NCKAP5: variants seen among roughly 807,000 people sequenced by gnomAD.
NCKAP5 encodes the protein nck-associated protein 5.
Under a neutral mutation model 167.0 loss-of-function variants are expected in NCKAP5, and 92 were observed. The ratio of observed to expected loss-of-function variants is 0.55; its 90% CI spans 0.47 to 0.66. The LOEUF is 0.66. Among genes scored for constraint, NCKAP5 ranks in the 30% least tolerant of loss-of-function variants. NCKAP5 has a pLI of 0.00. For synonymous variants in NCKAP5, 891 were observed against 877.4 expected (o/e 1.02, Z -0.27); for missense variants, 2,378 against 2,315.0 (o/e 1.03, Z -0.56).
chr2:133,058,476 T>C (rs1296996684), intron 6 of NCKAP5, among the ~76,000 whole-genome samples: 1 of 152,202 alleles, frequency 6.6e-6, no homozygotes, highest in African/African-American at 2.4e-5. Flanking sequence ...AAGAAGTTTA[T>C]TCCAACCCTC....
intron 8 of NCKAP5, among the ~76,000 whole-genome samples, chr2:132,918,430 T>G (rs986581642): frequency 2.6e-5 from 4 of 152,202 alleles, no homozygotes; most frequent in Non-Finnish European, 4.4e-5. Context: ...GAAAAGAAAT[T>G]AAAAGACATA....
intron 8 of NCKAP5, among the ~76,000 whole-genome samples, chr2:132,893,117 A>G (rs928347660): frequency 1.3e-5 from 2 of 152,186 alleles, no homozygotes; most frequent in African/African-American, 4.8e-5. Flanking sequence ...ATACCATTAC[A>G]CACCAACCCA....
intron 6 of NCKAP5, among the ~76,000 whole-genome samples, chr2:133,043,075 T>C (rs1363077959): frequency 2.6e-5 from 4 of 152,152 alleles, no homozygotes; most frequent in African/African-American, 4.8e-5. Context: ...GCTTCCCACT[T>C]GAAGTCCACC....
At chr2:132,741,234 A>C (rs1679158664) in intron 16 of NCKAP5, among the ~76,000 whole-genome samples, 1 of 152,066 alleles carries the variant, frequency 6.6e-6, no homozygotes, top group African/African-American at 2.4e-5. Flanking sequence ...TATGTTATGC[A>C]ATTTTCCAAA....
intron 8 of NCKAP5, among the ~76,000 whole-genome samples, chr2:132,887,644 C>G (rs1043415388): frequency 6.6e-6 from 1 of 152,038 alleles, no homozygotes; most frequent in African/African-American, 2.4e-5. Flanking sequence ...ATGGAATATG[C>G]TTTACACTCC....
At chr2:132,804,642 C>T (rs925289743) in intron 11 of NCKAP5, among the ~76,000 whole-genome samples, 2 of 152,018 alleles carry the variant, frequency 1.3e-5, no homozygotes, top group African/African-American at 2.4e-5. Flanking sequence ...TTCAATGTAC[C>T]ACTTATTAGG....
chr2:132,965,991 A>G (rs995422358), intron 7 of NCKAP5, among the ~76,000 whole-genome samples: 1 of 151,986 alleles, frequency 6.6e-6, no homozygotes, highest in Non-Finnish European at 1.5e-5. Context: ...GCTAATTAAA[A>G]CAAAGAAAAG....
At position 133,049,742 on chromosome 2, in the gene NCKAP5, G is replaced by A. The variant is rs576111379; in HGVS notation, c.342-55503C>T. 2.7e-4 allele frequency among the ~76,000 whole-genome samples: 41 copies of A among 152,220 alleles called. No homozygotes were observed. In the Middle Eastern group the frequency reaches 0.017, roughly 63 times the overall value. Reference sequence around the variant, plus strand: ...TCATCCTGCTCATCTCCGTCACCAAGACGTGTGCTTGTGACTCCAGTGCTC... The same window carrying A: ...TCATCCTGCTCATCTCCGTCACCAAAACGTGTGCTTGTGACTCCAGTGCTC... On this transcript the variant is annotated intron_variant, in intron 6 of 19. Coordinates refer to ENST00000409261, the MANE Select transcript of NCKAP5 (RefSeq NM_207363.3).
chr2:133,382,324 G>A (rs148309099), intron 3 of NCKAP5, among the ~76,000 whole-genome samples: 150 of 152,202 alleles, frequency 9.9e-4, no homozygotes, highest in African/African-American at 3.4e-3. Flanking sequence ...GATCTCACAC[G>A]TGTATTATGC....
At chr2:133,650,140 C>A in the NCKAP5 span, among the ~76,000 whole-genome samples, 1 of 151,826 alleles carries the variant, frequency 6.6e-6, no homozygotes, top group East Asian at 1.9e-4. Flanking sequence ...GAATAAAATA[C>A]CTAGGAATAG....
intron 1 of NCKAP5, among the ~76,000 whole-genome samples, chr2:133,567,331 AGCCGGT>A (rs1688623372): frequency 6.6e-6 from 1 of 152,194 alleles, no homozygotes; most frequent in South Asian, 2.1e-4. Flanking sequence ...CTCACGGGCC[AGCCGGT>A]GCAGGTGGGA....
At chr2:133,566,225 G>T (rs1019056430) in intron 1 of NCKAP5, among the ~76,000 whole-genome samples, 1 of 109,000 alleles carries the variant, frequency 9.2e-6, no homozygotes, top group Non-Finnish European at 2.2e-5. Flanking sequence ...TGAAGAGAAG[G>T]TTCCACTGGA....
chr2:133,273,328 G>A (rs2089595661), intron 4 of NCKAP5, among the ~76,000 whole-genome samples: 1 of 152,104 alleles, frequency 6.6e-6, no homozygotes, highest in Non-Finnish European at 1.5e-5. Context: ...TTGGTCATTT[G>A]TATGTGTCTT....
intron 16 of NCKAP5, among the ~76,000 whole-genome samples, chr2:132,750,755 A>G (rs905257961): frequency 1.3e-5 from 2 of 152,228 alleles, no homozygotes; most frequent in African/African-American, 4.8e-5. Flanking sequence ...GGTGGGATTA[A>G]GCAGAAAGCC....
intron 11 of NCKAP5, among the ~76,000 whole-genome samples, chr2:132,797,633 T>C (rs1558793495): frequency 6.6e-6 from 1 of 152,112 alleles, no homozygotes. Context: ...TTCCGAAAAG[T>C]TTTTTCTACT....
chr2:132,846,286 A>G (rs59645435), intron 11 of NCKAP5, among the ~76,000 whole-genome samples: 1,530 of 152,246 alleles, frequency 0.01, 26 homozygotes, highest in African/African-American at 0.035. Flanking sequence ...AATCTAGGTG[A>G]ACAGTATAAC....
intron 3 of NCKAP5, among the ~76,000 whole-genome samples, chr2:133,474,157 C>CTATCTATCT (rs1559511839): frequency 2.2e-4 from 19 of 88,232 alleles, no homozygotes; most frequent in African/African-American, 8.5e-4. Flanking sequence ...TCTATCTATA[C>CTATCTATCT]ACACACACAC....
chr2:133,527,793 G>A (rs940895529), intron 2 of NCKAP5, among the ~76,000 whole-genome samples: 3 of 152,056 alleles, frequency 2.0e-5, no homozygotes, highest in East Asian at 1.9e-4. Context: ...GGCCAGGTTC[G>A]GTGGTTCATA....
intron 3 of NCKAP5, among the ~76,000 whole-genome samples, chr2:133,303,752 A>G (rs1268310763): frequency 6.6e-6 from 1 of 151,940 alleles, no homozygotes; most frequent in Non-Finnish European, 1.5e-5. Flanking sequence ...AAATCAAACT[A>G]TTTTCCTGAA....
Sources: gnomAD v4.1 joint callset for allele counts (sites outside exome capture counted in the v4.1 genomes callset) on GRCh38, gnomAD v4.1.1 for gene constraint, MANE v1.5 for transcripts, NCBI Gene and HGNC (gene_info 2026-07-23, HGNC 2026-07-21) for gene names.